Variants in TECRL observed in about 807,000 individuals in gnomAD.
The protein encoded by TECRL is trans-2,3-enoyl-CoA reductase like.
Under a neutral mutation model 52.8 loss-of-function variants are expected in TECRL, and 63 were observed. The observed-to-expected ratio is 1.19, with a 90% CI of 0.97 to 1.47. TECRL has a LOEUF of 1.47. TECRL is among the 40% of genes most tolerant of loss of function. The pLI, the probability that TECRL is intolerant of heterozygous loss-of-function variation, is 0.00. For missense variants in TECRL, 482 were observed against 429.6 expected, an observed-to-expected ratio of 1.12 and a Z score of -1.08; for synonymous variants, 164 against 141.9, an observed-to-expected ratio of 1.16 and a Z score of -1.10.
chr4:64,345,754 G>A (rs907153099), intron 2 of TECRL, among the ~76,000 whole-genome samples: 4 of 151,154 alleles, frequency 2.6e-5, no homozygotes, highest in Admixed American at 1.3e-4. Flanking sequence ...CCCCAGTTAA[G>A]GTCCTGTTGA....
At chr4:64,370,892 T>G (rs1721931338) in intron 2 of TECRL, among the ~76,000 whole-genome samples, 1 of 151,940 alleles carries the variant, frequency 6.6e-6, no homozygotes, top group African/African-American at 2.4e-5. Context: ...ACATTTTGTA[T>G]GAGCTTTGAA....
intron 2 of TECRL, among the ~76,000 whole-genome samples, chr4:64,348,813 T>A (rs1004824075): frequency 5.3e-5 from 8 of 152,168 alleles, no homozygotes; most frequent in African/African-American, 1.9e-4. Context: ...CCCGGTGAGA[T>A]TGACCACTCT....
At chr4:64,325,553 T>C (rs2110037997) in intron 3 of TECRL, among the ~76,000 whole-genome samples, 1 of 152,290 alleles carries the variant, frequency 6.6e-6, no homozygotes, top group South Asian at 2.1e-4. Context: ...ACTGCTAAAT[T>C]TGTGTAAATT....
At chr4:64,373,577 G>T (rs768677585) in intron 2 of TECRL, among the ~76,000 whole-genome samples, 85 of 151,560 alleles carry the variant, frequency 5.6e-4, no homozygotes, top group Non-Finnish European at 1.0e-3. Flanking sequence ...ATACTTTTTT[G>T]TCAGGGTGAC....
intron 2 of TECRL, among the ~76,000 whole-genome samples, chr4:64,360,979 A>G (rs1721147713): frequency 6.6e-6 from 1 of 151,908 alleles, no homozygotes; most frequent in Admixed American, 6.6e-5. Context: ...GGCTCAACAT[A>G]CTCCACTAGG....
intron 2 of TECRL, among the ~76,000 whole-genome samples, chr4:64,349,539 C>T (rs1720234599): frequency 6.6e-6 from 1 of 152,142 alleles, no homozygotes; most frequent in African/African-American, 2.4e-5. Context: ...TCCTTGAAGA[C>T]ATTATTCCTG....
chr4:64,301,370 C>T (rs993134244), intron 7 of TECRL, among the ~76,000 whole-genome samples: 3 of 151,120 alleles, frequency 2.0e-5, no homozygotes, highest in Non-Finnish European at 4.5e-5. Flanking sequence ...TGCCAAATCA[C>T]AGTTGGTTGC....
At chr4:64,287,059 A>T (rs936029463) in intron 9 of TECRL, among the ~76,000 whole-genome samples, 2 of 152,154 alleles carry the variant, frequency 1.3e-5, no homozygotes, top group African/African-American at 4.8e-5. Context: ...TTTGGATCAG[A>T]TAAAAATGGC....
rs190237876 is a variant in TECRL, at chr4:64,293,981, A to T, written c.775-4214T>A. ...GGCAGGTGCTACATATATATATATA[A>T]AATATATATATATATATTTTTTGGA... On this transcript the variant is annotated intron_variant, in intron 8 of 11. Coordinates refer to ENST00000381210, the MANE Select transcript of TECRL (RefSeq NM_001010874.5). 3.7e-3 allele frequency among the ~76,000 whole-genome samples: 510 copies of T among 138,814 alleles called. 6 individuals carry two copies. The highest frequency in any genetic ancestry group is 0.013 in the African/African-American group (483 of 36,128). 91.1% of individuals were successfully genotyped at this position (138,814 alleles called of 152,430 possible). A position where few individuals can be genotyped will look rare whatever the true frequency, so the allele number is the denominator to read the frequency against.
chr4:64,353,379 CA>C (rs1192781106), intron 2 of TECRL, among the ~76,000 whole-genome samples: 6 of 151,974 alleles, frequency 3.9e-5, no homozygotes, highest in Admixed American at 6.6e-5. Context: ...ATAAGGCATC[CA>C]ACAGGAGACT....
chr4:64,370,236 C>G (rs886539028), intron 2 of TECRL, among the ~76,000 whole-genome samples: 4 of 151,660 alleles, frequency 2.6e-5, no homozygotes, highest in African/African-American at 9.7e-5. Flanking sequence ...AATAGAAATT[C>G]ATTTGAAGAG....
intron 1 of TECRL, among the ~76,000 whole-genome samples, chr4:64,404,599 A>T (rs1309879073): frequency 1.3e-5 from 2 of 152,026 alleles, no homozygotes; most frequent in African/African-American, 2.4e-5. Context: ...GGAACTAGCT[A>T]AATGAGCTAA....
intron 2 of TECRL, among the ~76,000 whole-genome samples, chr4:64,329,561 T>C (rs899234652): frequency 2.6e-5 from 4 of 151,942 alleles, no homozygotes; most frequent in African/African-American, 9.7e-5. Context: ...TAAAGTCTAT[T>C]ATGTGTGGGT....
At chr4:64,406,807 T>C (rs761555300) in intron 1 of TECRL, among the ~76,000 whole-genome samples, 9 of 152,016 alleles carry the variant, frequency 5.9e-5, no homozygotes, top group South Asian at 2.1e-4. Context: ...CTTTACAGCA[T>C]AGTAAGTATT....
intron 1 of TECRL, among the ~76,000 whole-genome samples, chr4:64,408,581 G>C (rs1724886394): frequency 6.6e-6 from 1 of 151,796 alleles, no homozygotes; most frequent in Admixed American, 6.6e-5. Flanking sequence ...TTTGAAGCAA[G>C]TAAACTTTCA....
rs555386538 is a variant in TECRL, at chr4:64,307,343, T to C, written c.658-2105A>G. ...GTGGGACCCCAAAGGTGGTCAACAC[T>C]GGAGAGCTGGGGTGCAGCATAGGTA... On this transcript the variant is annotated intron_variant, in intron 6 of 11. Coordinates refer to ENST00000381210, the MANE Select transcript of TECRL (RefSeq NM_001010874.5). Among the ~76,000 whole-genome samples the C allele has an allele frequency of 1.7e-4, 26 of 152,276 alleles. No homozygotes were observed. In the South Asian group the frequency reaches 2.1e-3, roughly 12 times the overall value.
chr4:64,352,725 C>T (rs900547909), intron 2 of TECRL, among the ~76,000 whole-genome samples: 1 of 152,168 alleles, frequency 6.6e-6, no homozygotes, highest in Non-Finnish European at 1.5e-5. Context: ...AACATTCACA[C>T]ACACCACATG....
At chr4:64,372,568 T>C (rs1994145) in intron 2 of TECRL, among the ~76,000 whole-genome samples, 14 of 151,500 alleles carry the variant, frequency 9.2e-5, no homozygotes, top group African/African-American at 2.9e-4. Context: ...TGTCACTGTA[T>C]AGAAAAGACA....
downstream of TECRL, chr4:64,276,891 A>G (rs527780501): frequency 1.8e-4 from 91 of 503,224 alleles, no homozygotes; most frequent in Non-Finnish European, 2.9e-4. Flanking sequence ...GTACATACTT[A>G]TGTATAGTAA....
Sources: gnomAD v4.1 joint callset for allele counts (sites outside exome capture counted in the v4.1 genomes callset) on GRCh38, gnomAD v4.1.1 for gene constraint, MANE v1.5 for transcripts, NCBI Gene and HGNC (gene_info 2026-07-23, HGNC 2026-07-21) for gene names.